The following DLGAP1 variants were observed in gnomAD, a reference collection of about 807,000 sequenced individuals.
DLGAP1 encodes disks large-associated protein 1.
In DLGAP1, 11 loss-of-function variants were observed where a neutral mutation model predicts 90.8. That is an observed-to-expected ratio of 0.12 (90% CI 0.08 to 0.20). DLGAP1 has a LOEUF of 0.20. Ranked by LOEUF, DLGAP1 falls within the 10% of genes least tolerant of loss-of-function variation. The pLI, the probability that DLGAP1 is intolerant of heterozygous loss-of-function variation, is 1.00. For synonymous variants in DLGAP1, 558 were observed against 540.7 expected (o/e 1.03, Z -0.44); for missense variants, 1,050 against 1,333.8 (o/e 0.79, Z 3.31).
At chr18:4,060,457 G>A (rs570667143) in intron 2 of DLGAP1, among the ~76,000 whole-genome samples, 3 of 152,304 alleles carry the variant, frequency 2.0e-5, no homozygotes, top group African/African-American at 7.2e-5. Context: ...CTCCTGGAAA[G>A]ATACCTAAAT....
In DLGAP1 at chr18:4,090,815, C is replaced by G. The variant is rs544642802; in HGVS notation, c.-159+60365G>C. ...CATGTATGTTCATGGCAGCGCTATT[C>G]ACAATAGCAAAGACATGGAATCAAT... is the stretch of plus-strand genomic sequence containing the variant. On this transcript the variant is annotated intron_variant, in intron 2 of 12. Transcript: ENST00000315677. 4.3e-4 allele frequency among the ~76,000 whole-genome samples: 66 copies of G among 152,264 alleles called. 1 individual carries two copies. Among genetic ancestry groups the G allele is most frequent in the Middle Eastern group, 3.4e-3 (1 of 294 alleles).
At chr18:3,649,897 G>A (rs892117995) in intron 7 of DLGAP1, among the ~76,000 whole-genome samples, 4 of 152,140 alleles carry the variant, frequency 2.6e-5, no homozygotes, top group African/African-American at 4.8e-5. Context: ...ATCACAAGAT[G>A]ACAAATGGCT....
intron 1 of DLGAP1, among the ~76,000 whole-genome samples, chr18:4,435,579 T>C (rs762554501): frequency 2.0e-5 from 3 of 152,126 alleles, no homozygotes; most frequent in Non-Finnish European, 2.9e-5. Flanking sequence ...TCCACACCGA[T>C]GGAGGGAGGG....
chr18:3,620,586 T>C (rs975109927), intron 7 of DLGAP1, among the ~76,000 whole-genome samples: 5 of 151,986 alleles, frequency 3.3e-5, no homozygotes, highest in Admixed American at 2.6e-4. Context: ...AGATGGAGTT[T>C]CACTCTTGTC....
intron 3 of DLGAP1, among the ~76,000 whole-genome samples, chr18:3,987,533 C>T (rs9956042): frequency 0.062 from 9,503 of 152,200 alleles, 341 homozygotes; most frequent in Non-Finnish European, 0.079. Flanking sequence ...AAGTGCTTTG[C>T]GTATTCGAAC....
intron 8 of DLGAP1, chr18:3,580,660 G>C: frequency 6.2e-7 from 1 of 1,607,568 alleles, no homozygotes; most frequent in South Asian, 1.1e-5. Flanking sequence ...CGAGGAGATT[G>C]CTGGGCCCGG....
intron 4 of DLGAP1, among the ~76,000 whole-genome samples, chr18:3,863,621 C>A (rs1049423803): frequency 9.2e-5 from 14 of 152,350 alleles, no homozygotes; most frequent in Non-Finnish European, 2.1e-4. Context: ...AGCGTCCATG[C>A]CATTCCATCT....
intron 10 of DLGAP1, among the ~76,000 whole-genome samples, chr18:3,515,468 CAA>C (rs55870741): frequency 2.8e-5 from 2 of 72,594 alleles, no homozygotes; most frequent in African/African-American, 5.5e-5. Flanking sequence ...GATTCCATCT[CAA>C]AAAAAAAAAA....
chr18:4,091,378 G>C (rs1289563190), intron 2 of DLGAP1, among the ~76,000 whole-genome samples: 1 of 152,024 alleles, frequency 6.6e-6, no homozygotes, highest in Non-Finnish European at 1.5e-5. Flanking sequence ...TATTCTTTGA[G>C]GTTTTATGAG....
intron 8 of DLGAP1, among the ~76,000 whole-genome samples, chr18:3,573,512 AAG>A (rs1436460463): frequency 2.6e-5 from 4 of 152,150 alleles, no homozygotes; most frequent in Non-Finnish European, 4.4e-5. Context: ...CAAAAGAAAA[AAG>A]AGTCTTGATC....
intron 7 of DLGAP1, chr18:3,598,465 CTTTTT>C (rs35437765): frequency 1.7e-5 from 2 of 115,338 alleles, no homozygotes; most frequent in African/African-American, 3.3e-5. Flanking sequence ...CCCTCCATTA[CTTTTT>C]TTTTTTTTTT....
chr18:4,036,909 A>G (rs1225038306), intron 2 of DLGAP1, among the ~76,000 whole-genome samples: 13 of 152,186 alleles, frequency 8.5e-5, no homozygotes, highest in Non-Finnish European at 1.6e-4. Context: ...TATCCTTCAA[A>G]CTCTGGCAAC....
chr18:3,583,285 C>T (rs2055677676), intron 7 of DLGAP1, among the ~76,000 whole-genome samples: 1 of 151,022 alleles, frequency 6.6e-6, no homozygotes, highest in African/African-American at 2.4e-5. Flanking sequence ...TTCCTTCCTT[C>T]CCTCCTTCAG....
intron 10 of DLGAP1, among the ~76,000 whole-genome samples, chr18:3,528,124 T>G (rs912047356): frequency 1.2e-4 from 18 of 152,220 alleles, no homozygotes. Flanking sequence ...TGGGGGGATT[T>G]TGTTATGGCA....
At chr18:3,981,214 G>A (rs916361024) in intron 3 of DLGAP1, among the ~76,000 whole-genome samples, 3 of 152,360 alleles carry the variant, frequency 2.0e-5, no homozygotes, top group South Asian at 4.1e-4. Flanking sequence ...AGAACACTCA[G>A]TTTTCCTCTG....
intron 1 of DLGAP1, among the ~76,000 whole-genome samples, chr18:4,220,095 C>A (rs1162675995): frequency 6.6e-6 from 1 of 152,060 alleles, no homozygotes; most frequent in Non-Finnish European, 1.5e-5. Flanking sequence ...AACACTAATT[C>A]TTCTAATCTG....
chr18:3,799,635 C>T (rs1452062610), intron 5 of DLGAP1, among the ~76,000 whole-genome samples: 1 of 151,992 alleles, frequency 6.6e-6, no homozygotes, highest in Non-Finnish European at 1.5e-5. Flanking sequence ...AAGCTGTCTC[C>T]CCGCAATACT....
intron 2 of DLGAP1, among the ~76,000 whole-genome samples, chr18:4,110,778 T>C (rs1479765737): frequency 6.6e-6 from 1 of 152,168 alleles, no homozygotes; most frequent in East Asian, 1.9e-4. Context: ...TATTTGGAAA[T>C]AGTTTGCTTT....
At chr18:4,231,901 G>C (rs1462766207) in intron 1 of DLGAP1, among the ~76,000 whole-genome samples, 2 of 152,094 alleles carry the variant, frequency 1.3e-5, no homozygotes, top group Non-Finnish European at 2.9e-5. Context: ...CACTAAGAAT[G>C]AAATTCTGTG....
Sources: allele counts gnomAD v4.1 joint callset (sites outside exome capture counted in the v4.1 genomes callset), GRCh38; gene constraint gnomAD v4.1.1; transcripts MANE v1.5; gene names NCBI Gene and HGNC (gene_info 2026-07-23, HGNC 2026-07-21).